NEDD4L: variants seen among roughly 807,000 people sequenced by gnomAD.
NEDD4L encodes E3 ubiquitin-protein ligase NEDD4-like.
Under a neutral mutation model 148.9 loss-of-function variants are expected in NEDD4L, and 54 were observed. That is an observed-to-expected ratio of 0.36 (90% CI 0.29 to 0.45). NEDD4L has a LOEUF of 0.45. Among genes scored for constraint, NEDD4L ranks in the 20% least tolerant of loss-of-function variants. The pLI, the probability that NEDD4L is intolerant of heterozygous loss-of-function variation, is 1.00. For missense variants in NEDD4L, 856 were observed against 1,233.8 expected (o/e 0.69, Z 4.59); for synonymous variants, 433 against 440.7 (o/e 0.98, Z 0.22).
chr18:58,325,266 A>AT, intron 9 of NEDD4L, 104 bp downstream of exon 9: 1 of 1,304,322 alleles, frequency 7.7e-7, no homozygotes, highest in South Asian at 1.4e-5. Flanking sequence ...TCATATGTCT[A>AT]TAAGAGCAGA....
At chr18:58,088,063 A>C (rs1261069013) in intron 1 of NEDD4L, among the ~76,000 whole-genome samples, 1 of 152,182 alleles carries the variant, frequency 6.6e-6, no homozygotes, top group African/African-American at 2.4e-5. Flanking sequence ...ATACCTGGCA[A>C]GTTGGTGCCG....
intron 2 of NEDD4L, among the ~76,000 whole-genome samples, chr18:58,222,208 G>C (rs1283127377): frequency 1.3e-5 from 2 of 152,304 alleles, no homozygotes; most frequent in Admixed American, 1.3e-4. Flanking sequence ...TCTGTTTCGA[G>C]TCTCAGTATT....
intron 1 of NEDD4L, among the ~76,000 whole-genome samples, chr18:58,129,494 C>T (rs945160126): frequency 2.0e-5 from 3 of 152,180 alleles, no homozygotes; most frequent in African/African-American, 7.2e-5. Flanking sequence ...AATAGAGCAC[C>T]CAACTTGGTT....
intron 1 of NEDD4L, among the ~76,000 whole-genome samples, chr18:58,059,435 C>T (rs1289682946): frequency 6.6e-6 from 1 of 152,218 alleles, no homozygotes; most frequent in Non-Finnish European, 1.5e-5. Flanking sequence ...GGTGTTGAAA[C>T]TGCCACTGTC....
rs182166492 is a variant in NEDD4L at position 58,135,843 on chromosome 18, C to T, written c.49-29945C>T. 5.9e-5 allele frequency among the ~76,000 whole-genome samples: 9 copies of T among 152,290 alleles called. No homozygotes were observed. The East Asian group carries it at 1.7e-3, about 29-fold the overall frequency. The stretch of plus-strand genomic sequence containing the variant: ...GTATGGAAAGAATGGAAGTGTGTCT[C>T]CTGCAGGGAGAGCCCAGGTTATTGA... On this transcript the variant is annotated intron_variant, in intron 1 of 30. Transcript: ENST00000400345.
chr18:58,145,801 C>T (rs974145647), intron 1 of NEDD4L, among the ~76,000 whole-genome samples: 6 of 152,168 alleles, frequency 3.9e-5, no homozygotes, highest in African/African-American at 1.4e-4. Flanking sequence ...ATTTCCAGTC[C>T]TCCTTCTCTC....
At chr18:58,305,087 G>T (rs761948392) in intron 5 of NEDD4L, among the ~76,000 whole-genome samples, 2 of 152,150 alleles carry the variant, frequency 1.3e-5, no homozygotes, top group Non-Finnish European at 2.9e-5. Flanking sequence ...CTGCATTCCG[G>T]GCCCAGGCAG....
rs2059170800 is a variant in NEDD4L, at chr18:58,324,855, AC to A, written c.514-140del. The A allele has an allele frequency of 3.2e-5, 23 of 726,392 alleles. No individual in the cohort carries two copies. In the South Asian group the frequency reaches 5.0e-4, roughly 16 times the overall value. 45.0% of individuals were successfully genotyped at this position (726,392 alleles called of 1,614,324 possible). Reference sequence around the variant, plus strand: ...TTTTTTGGCCTTCATTTGGGAATTTACTCAAATGTGGCCCCGAAGCCATGGC... The same window carrying A: ...TTTTTTGGCCTTCATTTGGGAATTTATCAAATGTGGCCCCGAAGCCATGGC... On this transcript the variant is annotated intron_variant, in intron 8 of 30. Transcript: ENST00000400345.
chr18:58,239,980 C>T (rs901278282), intron 2 of NEDD4L, among the ~76,000 whole-genome samples: 1 of 152,090 alleles, frequency 6.6e-6, no homozygotes, highest in Non-Finnish European at 1.5e-5. Flanking sequence ...TTGCAAAATC[C>T]GAGTGGATTT....
At chr18:58,222,115 G>T (rs777925248) in intron 2 of NEDD4L, among the ~76,000 whole-genome samples, 5 of 152,196 alleles carry the variant, frequency 3.3e-5, no homozygotes, top group African/African-American at 4.8e-5. Context: ...ATGGAAAACA[G>T]AGACCGCTGA....
At chr18:58,232,596 A>G (rs2045378414) in intron 2 of NEDD4L, among the ~76,000 whole-genome samples, 1 of 152,156 alleles carries the variant, frequency 6.6e-6, no homozygotes. Flanking sequence ...TACATATCCT[A>G]TGGCACCCTT....
chr18:58,334,588 A>G (rs1373537490), intron 12 of NEDD4L, among the ~76,000 whole-genome samples: 1 of 152,198 alleles, frequency 6.6e-6, no homozygotes, highest in Non-Finnish European at 1.5e-5. Context: ...TGTGGTTTTA[A>G]TGTGTTCAAT....
At chr18:58,193,030 G>A (rs2039102843) in intron 2 of NEDD4L, among the ~76,000 whole-genome samples, 1 of 152,180 alleles carries the variant, frequency 6.6e-6, no homozygotes, top group Non-Finnish European at 1.5e-5. Flanking sequence ...CAGTTGCAAA[G>A]GTTTTTACAG....
intron 5 of NEDD4L, among the ~76,000 whole-genome samples, chr18:58,301,417 C>G (rs1375020657): frequency 6.6e-6 from 1 of 152,206 alleles, no homozygotes; most frequent in Admixed American, 6.5e-5. Context: ...AGGCCAGCTC[C>G]TAAGTGCCCC....
intron 2 of NEDD4L, among the ~76,000 whole-genome samples, chr18:58,180,695 A>G (rs141302108): frequency 6.6e-6 from 1 of 152,222 alleles, no homozygotes; most frequent in Non-Finnish European, 1.5e-5. Flanking sequence ...TCTTTAAAAC[A>G]TGCAGGTTCT....
chr18:58,172,415 T>C (rs903244458), intron 2 of NEDD4L, among the ~76,000 whole-genome samples: 6 of 151,818 alleles, frequency 4.0e-5, no homozygotes, highest in African/African-American at 1.2e-4. Context: ...AACACGGGGG[T>C]AAGGAAGGAG....
intron 1 of NEDD4L, among the ~76,000 whole-genome samples, chr18:58,142,445 T>A (rs2033657183): frequency 6.6e-6 from 1 of 152,184 alleles, no homozygotes; most frequent in African/African-American, 2.4e-5. Flanking sequence ...AGAAGGAATG[T>A]CTTGTATCTT....
chr18:58,272,035 A>G (rs1295724069), intron 5 of NEDD4L, among the ~76,000 whole-genome samples: 3 of 152,206 alleles, frequency 2.0e-5, no homozygotes, highest in Non-Finnish European at 4.4e-5. Context: ...GTTATTGAAG[A>G]TATATTCAAA....
chr18:58,344,530 G>T (rs549118232), intron 16 of NEDD4L, among the ~76,000 whole-genome samples: 1 of 152,278 alleles, frequency 6.6e-6, no homozygotes, highest in South Asian at 2.1e-4. Context: ...TGAAGTAAGG[G>T]AATGGCCTGC....
Sources: gnomAD v4.1 joint callset for allele counts (sites outside exome capture counted in the v4.1 genomes callset) on GRCh38, gnomAD v4.1.1 for gene constraint, MANE v1.5 for transcripts, NCBI Gene and HGNC (gene_info 2026-07-23, HGNC 2026-07-21) for gene names.